OTUD4: variants seen among roughly 807,000 people sequenced by gnomAD.
The protein encoded by OTUD4 is OTU domain-containing protein 4.
In OTUD4, 24 loss-of-function variants were observed where a neutral mutation model predicts 130.4. The observed-to-expected ratio is 0.18, with a 90% confidence interval of 0.13 to 0.26. The LOEUF is 0.26. OTUD4 is among the 10% of genes least tolerant of loss of function. The probability of loss-of-function intolerance (pLI) is 1.00; values close to 1 mark genes in which losing one functional copy is unlikely to be tolerated. For missense variants in OTUD4, 1,031 were observed against 1,329.4 expected, an observed-to-expected ratio of 0.78 and a Z score of 3.49; for synonymous variants, 420 against 472.5, an observed-to-expected ratio of 0.89 and a Z score of 1.44.
chr4:145,138,345 G>A lies in OTUD4; in HGVS notation c.2430C>T (p.Tyr810=). 2 of 1,614,142 alleles carry A rather than the reference G, an allele frequency of 1.2e-6. No homozygotes were observed. Among genetic ancestry groups the A allele is most frequent in the Admixed American group, 1.7e-5 (1 of 60,020 alleles). ...QVSESHGQLS[Y]QADLESETPG... is the part of the protein sequence containing the mutation. Reference sequence around the variant, plus strand: ...GGGTCTCAGATTCAAGATCAGCCTGGTAAGACAATTGTCCATGACTTTCAG... The same window carrying A: ...GGGTCTCAGATTCAAGATCAGCCTGATAAGACAATTGTCCATGACTTTCAG... Residue 810 remains tyrosine (Y), a synonymous_variant, in exon 21 of 21, where the codon TAC becomes TAT. Transcript: ENST00000447906.
At chr4:145,142,516 C>A (rs1326380751) in intron 17 of OTUD4, among the ~76,000 whole-genome samples, 182 bp from the exon 18 acceptor site, 1 of 152,172 alleles carries the variant, frequency 6.6e-6, no homozygotes, top group Non-Finnish European at 1.5e-5. Flanking sequence ...AATATGCAAA[C>A]AAATTTGATC....
Position 145,179,919 on chromosome 4 carries a change from G to A in OTUD4, c.55C>T (p.Arg19Cys). ...DGGDQGGAGPREDATPMDAYL... is the reference protein window; with the variant it reads ...DGGDQGGAGPCEDATPMDAYL... ...GCGTCCATGGGCGTCGCGTCCTCGC[G>A]GGGCCCCGCGCCGCCCTGGTCCCCG... The change falls in exon 1 of 21, where the codon CGC (arginine) becomes TGC (cysteine). Residue 19 changes from arginine to cysteine, a missense_variant. Physicochemically the swap from Arg to Cys is radical, Grantham distance 180 (BLOSUM62 -3). Around this residue, in one of 3 missense-constraint regions of OTUD4, gnomAD observed 54 missense variants for 60.6 expected, o/e 0.89. Coordinates refer to ENST00000447906, the MANE Select transcript of OTUD4 (RefSeq NM_001366057.1). The A allele has an allele frequency of 8.5e-6, 13 of 1,527,984 alleles. No homozygotes were observed. The highest frequency in any genetic ancestry group is 1.1e-5 in the Non-Finnish European group (13 of 1,143,960). The allele number at this position is 1,527,984 out of a possible 1,614,324, so 94.7% of individuals were successfully genotyped here. A position where few individuals can be genotyped will look rare whatever the true frequency, so the allele number is the denominator to read the frequency against.
intron 13 of OTUD4, among the ~76,000 whole-genome samples, chr4:145,150,277 C>T (rs1439212423): frequency 6.6e-6 from 1 of 152,110 alleles, no homozygotes; most frequent in Non-Finnish European, 1.5e-5. Flanking sequence ...ATCTCCCAAA[C>T]CATTTGAAAA....
At chr4:145,166,049 T>C (rs1467822249) in intron 3 of OTUD4, among the ~76,000 whole-genome samples, 1 of 151,596 alleles carries the variant, frequency 6.6e-6, no homozygotes, top group Non-Finnish European at 1.5e-5. Context: ...TAGTCCTAGC[T>C]ACTCAAGAGG....
At chr4:145,166,156 G>A (rs1224146725) in intron 3 of OTUD4, among the ~76,000 whole-genome samples, 2 of 149,728 alleles carry the variant, frequency 1.3e-5, no homozygotes, top group African/African-American at 2.5e-5. Context: ...AGCAAAACTC[G>A]GTCTCAAAAA....
intron 1 of OTUD4, among the ~76,000 whole-genome samples, chr4:145,177,551 A>G (rs1354342644): frequency 6.6e-6 from 1 of 152,244 alleles, no homozygotes; most frequent in Non-Finnish European, 1.5e-5. Flanking sequence ...ACATGAAAGC[A>G]AACTAGAAGG....
Position 145,146,289 on chromosome 4 carries a change from T to C in OTUD4, c.1400A>G (p.Glu467Gly). Residue 467 changes from glutamate to glycine, a missense_variant, in exon 14 of 21, where the codon GAA becomes GGA. Glu to Gly is a moderately conservative substitution (Grantham distance 98, BLOSUM62 -2). Coordinates refer to ENST00000447906, the MANE Select transcript of OTUD4 (RefSeq NM_001366057.1). The part of the protein sequence containing the change: ...RLLYEIQNRD[E>G]QAFPALSSSS... Reference sequence around the variant, plus strand: ...TACGGAAAGGGCTGGGAAAGCCTGTTCATCTCTGTTCTGAATCTCATAGAG... The same window carrying C: ...TACGGAAAGGGCTGGGAAAGCCTGTCCATCTCTGTTCTGAATCTCATAGAG... The C allele has an allele frequency of 1.9e-6, 3 of 1,565,420 alleles. No individual in the cohort carries two copies. The highest frequency in any genetic ancestry group is 8.6e-7 in the Non-Finnish European group (1 of 1,161,030).
Position 145,137,593 on chromosome 4 carries a change from C to G in OTUD4, c.3182G>C (p.Arg1061Thr). The G allele has an allele frequency of 6.2e-7, 1 of 1,613,562 alleles. No individual in the cohort carries two copies. Among genetic ancestry groups the G allele is most frequent in the South Asian group, 1.1e-5 (1 of 91,062 alleles). Residue 1061 changes from arginine (R) to threonine (T), a missense_variant, in exon 21 of 21, where the codon AGG (arginine) becomes ACG (threonine). Coordinates refer to ENST00000447906, the MANE Select transcript of OTUD4 (RefSeq NM_001366057.1). ...ACTTCTCACATGTTGATATCCACCC[C>G]TACCAGAATAGCCCCAATCACTTTT... ...KYKSDWGYSG[R>T]GGYQHVRSEE...
chr4:145,174,618 A>G, intron 2 of OTUD4, 43 bp downstream of exon 2: 1 of 1,144,296 alleles, frequency 8.7e-7, no homozygotes. Context: ...CAAAATGTAA[A>G]ACCAAGTCAA....
chr4:145,142,505 T>A lies in OTUD4; in HGVS notation c.1684-171A>T, dbSNP rs36226675. 5.1e-3 allele frequency among the ~76,000 whole-genome samples: 778 copies of A among 152,342 alleles called. 6 individuals carry two copies. The highest frequency in any genetic ancestry group is 0.018 in the African/African-American group (737 of 41,582). On this transcript the variant is annotated intron_variant, in intron 17 of 20. Transcript: ENST00000447906. ...AAGAAAAACACACAGTAGCTAAAGA[T>A]AATATGCAAACAAATTTGATCCTAA...
chr4:145,148,542 A>C (rs1750924556), intron 13 of OTUD4, among the ~76,000 whole-genome samples: 1 of 152,180 alleles, frequency 6.6e-6, no homozygotes, highest in African/African-American at 2.4e-5. Context: ...TACTGGTACA[A>C]GACATCTATC....
chr4:145,152,673 T>A, intron 10 of OTUD4, 38 bp from the exon 11 acceptor site: 2 of 1,111,866 alleles, frequency 1.8e-6, no homozygotes, highest in Non-Finnish European at 2.7e-6. Context: ...AAAAAAAAAA[T>A]CAGTCACCTG....
At position 145,176,192 on chromosome 4, in the gene OTUD4, G is replaced by A. The variant is rs1471842715; in HGVS notation, c.160-1448C>T. On this transcript the variant is annotated intron_variant, in intron 1 of 20. Transcript: ENST00000447906. Reference sequence around the variant, plus strand: ...ATTACAGACATGAGCCACCACGCCCGGCCCTAGCTCCCAATTATTTAACAT... The same window carrying A: ...ATTACAGACATGAGCCACCACGCCCAGCCCTAGCTCCCAATTATTTAACAT... 8.0e-5 allele frequency among the ~76,000 whole-genome samples: 12 copies of A among 150,560 alleles called. No homozygotes were observed. In the East Asian group the frequency reaches 1.6e-3, roughly 20 times the overall value.
chr4:145,137,845 A>G lies in OTUD4; in HGVS notation c.2930T>C (p.Val977Ala), dbSNP rs1381950336. 6.8e-6 allele frequency: 11 copies of G among 1,614,126 alleles called. No individual in the cohort carries two copies. The highest frequency in any genetic ancestry group is 9.3e-6 in the Non-Finnish European group (11 of 1,180,022). Residue 977 changes from valine (V) to alanine (A), a missense_variant, in exon 21 of 21, where the codon GTT becomes GCT. Around this residue, in one of 3 missense-constraint regions of OTUD4, gnomAD observed 900 missense variants for 1,095.9 expected, o/e 0.82. Transcript: ENST00000447906. ...AATGGTCCTTTTAGGTTCAAGTTCA[A>G]CAGGCACAGTTTCTCTCTCTCTGTT... is the stretch of plus-strand genomic sequence containing the variant. ...ILNRERETVP[V>A]ELEPKRTIQS... is the part of the protein sequence containing the mutation.
chr4:145,176,482 T>C (rs981048247), intron 1 of OTUD4, among the ~76,000 whole-genome samples: 1 of 150,876 alleles, frequency 6.6e-6, no homozygotes, highest in African/African-American at 2.4e-5. Context: ...GGTCAGGAGT[T>C]TGAGACTAGC....
At chr4:145,175,865 C>T (rs1455166282) in intron 1 of OTUD4, among the ~76,000 whole-genome samples, 1 of 151,596 alleles carries the variant, frequency 6.6e-6, no homozygotes, top group African/African-American at 2.4e-5. Context: ...TATTTCTTAT[C>T]CAATGCTTCC....
chr4:145,158,176 C>A (rs1438075400), intron 7 of OTUD4, among the ~76,000 whole-genome samples: 2 of 152,122 alleles, frequency 1.3e-5, no homozygotes, highest in Non-Finnish European at 2.9e-5. Flanking sequence ...TCAATAAATA[C>A]CTGGAATTAC....
intron 20 of OTUD4, 29 bp from the exon 21 acceptor site, chr4:145,138,679 CA>C: frequency 1.3e-6 from 2 of 1,559,780 alleles, no homozygotes; most frequent in Non-Finnish European, 1.7e-6. Flanking sequence ...GTTAAATAAA[CA>C]AAAGAGGAGA....
At chr4:145,148,088 T>A (rs1750904030) in intron 13 of OTUD4, among the ~76,000 whole-genome samples, 1 of 152,216 alleles carries the variant, frequency 6.6e-6, no homozygotes, top group South Asian at 2.1e-4. Context: ...ATGGTATTAA[T>A]TACCACTGCC....
Sources: allele counts gnomAD v4.1 joint callset (sites outside exome capture counted in the v4.1 genomes callset), GRCh38; gene constraint gnomAD v4.1.1; regional missense constraint gnomAD v4.1.1; transcripts MANE v1.5; gene names NCBI Gene and HGNC (gene_info 2026-07-23, HGNC 2026-07-21).